The following NPAS3 variants were observed in gnomAD, a reference collection of about 807,000 sequenced individuals.
The protein encoded by NPAS3 is neuronal PAS domain protein 3, also known as neuronal PAS domain-containing protein 3.
A neutral mutation model predicts 73.1 loss-of-function variants in NPAS3; 14 were observed. That is an observed-to-expected ratio of 0.19 (90% CI 0.13 to 0.30). NPAS3 has a LOEUF of 0.30. NPAS3 is among the 10% of genes least tolerant of loss of function. NPAS3 has a pLI of 1.00. For missense variants in NPAS3, 1,096 were observed against 1,250.0 expected (o/e 0.88, Z 1.86); for synonymous variants, 620 against 541.5 (o/e 1.14, Z -2.01).
At position 33,731,334 on chromosome 14, in the gene NPAS3, G is replaced by A. The variant is rs535848157; in HGVS notation, c.734-3880G>A. 6.6e-5 allele frequency among the ~76,000 whole-genome samples: 10 copies of A among 150,696 alleles called. No individual in the cohort carries two copies. The South Asian group carries it at 1.5e-3, about 22-fold the overall frequency. On this transcript the variant is annotated intron_variant, in intron 6 of 11. Transcript: ENST00000356141. ...CTCAGGAGGCTGAGGCAGGAGAATC[G>A]CCTGAGTCCAGGAGTTTGAGGCTGC... is the stretch of plus-strand genomic sequence containing the variant.
chr14:33,527,946 T>C (rs891669854), intron 4 of NPAS3, among the ~76,000 whole-genome samples: 2 of 152,088 alleles, frequency 1.3e-5, no homozygotes, highest in Non-Finnish European at 2.9e-5. Context: ...AATCCAGGAA[T>C]CTTCATCTTG....
At chr14:33,407,182 G>A (rs1439971660) in intron 4 of NPAS3, among the ~76,000 whole-genome samples, 2 of 152,130 alleles carry the variant, frequency 1.3e-5, no homozygotes, top group Admixed American at 1.3e-4. Flanking sequence ...GGTGATCTGT[G>A]TGCCAGCCTA....
chr14:33,524,298 A>G (rs1336185073), intron 4 of NPAS3, among the ~76,000 whole-genome samples: 4 of 152,138 alleles, frequency 2.6e-5, no homozygotes, highest in African/African-American at 9.7e-5. Flanking sequence ...TTCCTGCTAT[A>G]CTATCGGATT....
In NPAS3 at chr14:32,944,631, C is replaced by T. The variant is rs368214700; in HGVS notation, c.50+5265C>T. Among the ~76,000 whole-genome samples the T allele has an allele frequency of 1.8e-4, 27 of 152,046 alleles. 2 individuals carry two copies. Among genetic ancestry groups the T allele is most frequent in the Admixed American group, 1.4e-3 (22 of 15,254 alleles). ...ATGGTATTTTTACTGCGCTGAGCCTCATTAGTGTGAATAGGATGTTTGCAC... is the reference window on the plus strand; with the variant it reads ...ATGGTATTTTTACTGCGCTGAGCCTTATTAGTGTGAATAGGATGTTTGCAC... On this transcript the variant is annotated intron_variant, in intron 1 of 11. Coordinates refer to ENST00000356141, the Ensembl canonical transcript of NPAS3.
intron 3 of NPAS3, among the ~76,000 whole-genome samples, chr14:33,361,006 T>G (rs2045575115): frequency 6.6e-6 from 1 of 152,210 alleles, no homozygotes; most frequent in South Asian, 2.1e-4. Flanking sequence ...GAAGTGTGGG[T>G]TCTCTCACGA....
chr14:33,061,819 C>A (rs935674329), intron 2 of NPAS3, among the ~76,000 whole-genome samples: 5 of 152,148 alleles, frequency 3.3e-5, no homozygotes, highest in African/African-American at 1.2e-4. Context: ...GACATTCTGC[C>A]TGGAGCGGTG....
rs539880649 is a variant in NPAS3 at position 33,065,341 on chromosome 14, G to A, written c.140+9347G>A. Among the ~76,000 whole-genome samples the A allele has an allele frequency of 7.9e-5, 12 of 152,216 alleles. No homozygotes were observed. The South Asian group carries it at 1.5e-3, about 18-fold the overall frequency. Reference sequence around the variant, plus strand: ...ATGAAAAGTTAAACGATTAGATGGAGTTTTCTGGTTGCTTTCCAAACTCAT... The same window carrying A: ...ATGAAAAGTTAAACGATTAGATGGAATTTTCTGGTTGCTTTCCAAACTCAT... On this transcript the variant is annotated intron_variant, in intron 2 of 11. Transcript: ENST00000356141.
chr14:33,175,303 G>T (rs1032236620), intron 2 of NPAS3, among the ~76,000 whole-genome samples: 7 of 152,070 alleles, frequency 4.6e-5, no homozygotes, highest in Non-Finnish European at 8.8e-5. Flanking sequence ...TGGATTTTTA[G>T]AACGGGCAGA....
chr14:33,131,053 C>G (rs1468671456), intron 2 of NPAS3, among the ~76,000 whole-genome samples: 2 of 152,104 alleles, frequency 1.3e-5, no homozygotes, highest in Non-Finnish European at 2.9e-5. Flanking sequence ...TATTATCTGG[C>G]CCAAGTACCT....
chr14:33,215,275 G>T, exon 3 of NPAS3: 1 of 1,574,108 alleles, frequency 6.4e-7, no homozygotes, highest in Non-Finnish European at 8.7e-7. Context: ...CCAAGTTGTT[G>T]CCTCTTCCTG....
chr14:33,708,565 C>G (rs1163987227), intron 6 of NPAS3, among the ~76,000 whole-genome samples: 1 of 151,962 alleles, frequency 6.6e-6, no homozygotes, highest in East Asian at 1.9e-4. Flanking sequence ...GGGGAGAAAA[C>G]CAATACAGGC....
intron 5 of NPAS3, among the ~76,000 whole-genome samples, chr14:33,633,399 G>A (rs1595325271): frequency 2.6e-5 from 4 of 152,296 alleles, no homozygotes; most frequent in Admixed American, 2.6e-4. Flanking sequence ...GTACAGTCAT[G>A]TGTTGCTTAA....
chr14:33,400,262 G>T (rs2047392753), intron 4 of NPAS3, among the ~76,000 whole-genome samples: 1 of 152,030 alleles, frequency 6.6e-6, no homozygotes, highest in Admixed American at 6.6e-5. Context: ...CCACATCTAT[G>T]CACTTATAAA....
intron 3 of NPAS3, among the ~76,000 whole-genome samples, chr14:33,252,399 A>G (rs147252206): frequency 3.9e-5 from 6 of 152,062 alleles, no homozygotes; most frequent in Non-Finnish European, 7.4e-5. Flanking sequence ...GTCTATTCAT[A>G]TGTGTGTCTA....
intron 6 of NPAS3, among the ~76,000 whole-genome samples, chr14:33,696,746 G>C (rs142376951): frequency 5.3e-5 from 8 of 152,256 alleles, no homozygotes; most frequent in African/African-American, 1.7e-4. Flanking sequence ...CCAAAGTCCT[G>C]GTTGCTAGTA....
At chr14:33,093,933 C>T (rs1193819117) in intron 2 of NPAS3, among the ~76,000 whole-genome samples, 1 of 151,040 alleles carries the variant, frequency 6.6e-6, no homozygotes, top group African/African-American at 2.4e-5. Flanking sequence ...AACACTTGGA[C>T]ATGGGAAGGG....
intron 3 of NPAS3, among the ~76,000 whole-genome samples, chr14:33,303,941 T>A (rs949791703): frequency 6.6e-6 from 1 of 152,192 alleles, no homozygotes; most frequent in Non-Finnish European, 1.5e-5. Context: ...GGAGTCTCGC[T>A]CTGTTGCCCA....
intron 4 of NPAS3, among the ~76,000 whole-genome samples, chr14:33,555,834 G>C (rs925352284): frequency 1.3e-5 from 2 of 151,952 alleles, no homozygotes; most frequent in Non-Finnish European, 2.9e-5. Context: ...AGGTATAATT[G>C]ACTAAAATGA....
Position 33,094,468 on chromosome 14 carries a change from A to ATTT in NPAS3, c.140+38487_140+38489dup, listed in dbSNP as rs373938530. 3.1e-3 allele frequency among the ~76,000 whole-genome samples: 437 copies of ATTT among 141,988 alleles called. 1 individual carries two copies. The highest frequency in any genetic ancestry group is 4.8e-3 in the Admixed American group (68 of 14,186). 93.1% of individuals were successfully genotyped at this position (141,988 alleles called of 152,430 possible). On this transcript the variant is annotated intron_variant, in intron 2 of 11. Coordinates refer to ENST00000356141, the Ensembl canonical transcript of NPAS3. The stretch of plus-strand genomic sequence containing the variant: ...ATCTTACTCAACTGTATGATAAAGG[A>ATTT]TTTTTTTTTTTTTTTGAGATGGAGT...
Sources: allele counts gnomAD v4.1 joint callset (sites outside exome capture counted in the v4.1 genomes callset), GRCh38; gene constraint gnomAD v4.1.1; transcripts MANE v1.5; gene names NCBI Gene and HGNC (gene_info 2026-07-23, HGNC 2026-07-21).